The following PCDHGA5 variants were observed in gnomAD, a reference collection of about 807,000 sequenced individuals.
PCDHGA5 encodes the protein protocadherin gamma-A5.
A neutral mutation model predicts 56.7 loss-of-function variants in PCDHGA5; 36 were observed. That is an observed-to-expected ratio of 0.64 (90% CI 0.49 to 0.84). PCDHGA5 has a LOEUF of 0.84. PCDHGA5 is among the 40% of genes least tolerant of loss of function. PCDHGA5 has a pLI of 0.00. For synonymous variants in PCDHGA5, 563 were observed against 520.2 expected, an observed-to-expected ratio of 1.08 and a Z score of -1.12; for missense variants, 1,305 against 1,201.5, an observed-to-expected ratio of 1.09 and a Z score of -1.27.
At chr5:141,423,557 G>A (rs1365715281) in intron 1 of PCDHGA5, 4 of 1,613,536 alleles carry the variant, frequency 2.5e-6, no homozygotes, top group East Asian at 2.2e-5. Context: ...CCCAACTATG[G>A]GGACACGCTC....
intron 1 of PCDHGA5, chr5:141,385,051 C>A (rs1222079447): frequency 6.2e-7 from 1 of 1,614,154 alleles, no homozygotes; most frequent in East Asian, 2.2e-5. Flanking sequence ...CAGGCTGCGG[C>A]GCTGGCACAA....
In PCDHGA5 at chr5:141,432,071, A is replaced by G; in HGVS notation, c.2422-62736A>G. On this transcript the variant is annotated intron_variant, in intron 1 of 3. Transcript: ENST00000518069. The surrounding 1 kb of genome is among the most constrained non-coding windows in gnomAD (Gnocchi z 6.0). ...CCCGCCCCTATCCACGGAAACTCAT[A>G]TCTCGCTGAACGTGGCAGACACCAA... is the stretch of plus-strand genomic sequence containing the variant. 2 of 1,614,158 alleles carry G rather than the reference A, an allele frequency of 1.2e-6. No individual in the cohort carries two copies. The highest frequency in any genetic ancestry group is 1.7e-6 in the Non-Finnish European group (2 of 1,180,032).
chr5:141,433,642 C>A (rs1457700205), intron 1 of PCDHGA5, among the ~76,000 whole-genome samples: 2 of 152,170 alleles, frequency 1.3e-5, no homozygotes, highest in South Asian at 2.1e-4. Context: ...TTGAGACCAG[C>A]CTGACCAACA....
At position 141,394,884 on chromosome 5, in the gene PCDHGA5, C is replaced by G. The variant is rs2093119839; in HGVS notation, c.2421+28133C>G. The G allele has an allele frequency of 1.2e-6, 2 of 1,613,784 alleles. 1 individual carries two copies. Among genetic ancestry groups the G allele is most frequent in the Admixed American group, 3.3e-5 (2 of 60,002 alleles). On this transcript the variant is annotated intron_variant, in intron 1 of 3. Coordinates refer to ENST00000518069, the MANE Select transcript of PCDHGA5 (RefSeq NM_018918.3). ...CGACCCGAACGATTCGAGCCTTACACTCTATCTCGTGGTGGCAGTGGCTGC... is the reference window on the plus strand; with the variant it reads ...CGACCCGAACGATTCGAGCCTTACAGTCTATCTCGTGGTGGCAGTGGCTGC...
intron 1 of PCDHGA5, among the ~76,000 whole-genome samples, chr5:141,447,650 T>G (rs555134653): frequency 1.3e-5 from 2 of 151,988 alleles, no homozygotes; most frequent in Non-Finnish European, 2.9e-5. Flanking sequence ...GGTAGAATTT[T>G]CCCCCCCAGG....
chr5:141,502,487 C>A (rs563658817), intron 2 of PCDHGA5, among the ~76,000 whole-genome samples: 1 of 152,182 alleles, frequency 6.6e-6, no homozygotes, highest in Non-Finnish European at 1.5e-5. Context: ...CACACTGGGA[C>A]TCATCTAACG....
rs370286425 is a variant in PCDHGA5, at chr5:141,431,234, G to A, written c.2422-63573G>A. On this transcript the variant is annotated intron_variant, in intron 1 of 3. Coordinates refer to ENST00000518069, the MANE Select transcript of PCDHGA5 (RefSeq NM_018918.3). This position sits in a 1 kb window ranked among gnomAD's most constrained non-coding sequence, Gnocchi z 4.8. ...GCGGTTCCCTCTACCCCACGCCTGGGATCCGGATATCGGGAAGAACTCTCT... is the reference window on the plus strand; with the variant it reads ...GCGGTTCCCTCTACCCCACGCCTGGAATCCGGATATCGGGAAGAACTCTCT... 13 of 1,614,052 alleles carry A rather than the reference G, an allele frequency of 8.1e-6. No individual in the cohort carries two copies. The highest frequency in any genetic ancestry group is 2.7e-5 in the African/African-American group (2 of 74,940).
chr5:141,374,945 A>G, intron 1 of PCDHGA5: 1 of 1,614,034 alleles, frequency 6.2e-7, no homozygotes, highest in Non-Finnish European at 8.5e-7. Flanking sequence ...TACAGAAAAG[A>G]TCTCACAAAT....
At position 141,365,766 on chromosome 5, in the gene PCDHGA5, C is replaced by T. The variant is rs6882138; in HGVS notation, c.1436C>T (p.Pro479Leu). 36,892 of 1,613,774 alleles carry T rather than the reference C, an allele frequency of 0.023. 970 individuals carry two copies. Among genetic ancestry groups the T allele is most frequent in the African/African-American group, 0.14 (10,276 of 74,976 alleles). The change falls in exon 1 of 4, where the codon CCC becomes CTC. Residue 479 changes from proline to leucine, a missense_variant. By Grantham distance (98) the Pro-to-Leu change is moderately conservative. Transcript: ENST00000518069. Reference protein sequence around the residue: ...VSIFSVTAHDPDSGDNARVTY... With the variant: ...VSIFSVTAHDLDSGDNARVTY... Reference sequence around the variant, plus strand: ...ATCTTCTCTGTGACAGCCCATGACCCCGACAGCGGCGACAACGCTCGAGTC... The same window carrying T: ...ATCTTCTCTGTGACAGCCCATGACCTCGACAGCGGCGACAACGCTCGAGTC...
intron 2 of PCDHGA5, among the ~76,000 whole-genome samples, chr5:141,498,114 G>C (rs1336064850): frequency 6.6e-6 from 1 of 152,196 alleles, no homozygotes; most frequent in East Asian, 1.9e-4. Flanking sequence ...CGTATAATAG[G>C]GATTTGATTT....
At chr5:141,417,832 G>C in intron 1 of PCDHGA5, 1 of 1,528,846 alleles carries the variant, frequency 6.5e-7, no homozygotes. Flanking sequence ...CTGGAAAAGC[G>C]GGGACCCAGC....
At chr5:141,376,603 G>A (rs1772884003) in intron 1 of PCDHGA5, 1 of 1,516,632 alleles carries the variant, frequency 6.6e-7, no homozygotes, top group East Asian at 2.3e-5. Context: ...TGTTATAGAA[G>A]CGAACCTCTT....
chr5:141,456,236 T>G (rs1299029934), intron 1 of PCDHGA5, among the ~76,000 whole-genome samples: 1 of 152,120 alleles, frequency 6.6e-6, no homozygotes, highest in African/African-American at 2.4e-5. Flanking sequence ...TAACTGCTGT[T>G]AGGAGGCTTT....
chr5:141,505,182 C>T (rs1302018549), intron 2 of PCDHGA5, among the ~76,000 whole-genome samples: 2 of 152,094 alleles, frequency 1.3e-5, no homozygotes, highest in East Asian at 3.9e-4. Context: ...AAAAAAGCAT[C>T]GGAGGCAGCA....
rs777566456 is a variant in PCDHGA5, at chr5:141,405,216, A to G, written c.2421+38465A>G. On this transcript the variant is annotated intron_variant, in intron 1 of 3. Coordinates refer to ENST00000518069, the MANE Select transcript of PCDHGA5 (RefSeq NM_018918.3). ...CGAGCTTTCCTACAGACCTATTCTCAGGAGTTCTCCCTCACCGCTGACTCA... is the reference window on the plus strand; with the variant it reads ...CGAGCTTTCCTACAGACCTATTCTCGGGAGTTCTCCCTCACCGCTGACTCA... 27 of 1,613,806 alleles carry G rather than the reference A, an allele frequency of 1.7e-5. No individual in the cohort carries two copies. In the Admixed American group the frequency reaches 2.7e-4, roughly 16 times the overall value.
intron 1 of PCDHGA5, chr5:141,484,889 T>C (rs2099602721): frequency 2.8e-6 from 1 of 363,070 alleles, no homozygotes. Flanking sequence ...GTGGGCTTTT[T>C]CCCCTCCAAT....
chr5:141,419,604 C>T (rs1279434352), intron 1 of PCDHGA5: 1 of 1,611,850 alleles, frequency 6.2e-7, no homozygotes, highest in East Asian at 2.2e-5. Flanking sequence ...CCGCGGGCCG[C>T]GCAGCCAGGC....
intron 1 of PCDHGA5, chr5:141,403,193 A>G (rs1291009856): frequency 1.9e-6 from 3 of 1,613,986 alleles, no homozygotes; most frequent in South Asian, 2.2e-5. Context: ...GAACCCGCGC[A>G]GCGGCACCTT....
chr5:141,416,101 C>CT (rs34144584), intron 1 of PCDHGA5: 1 of 158,972 alleles, frequency 6.3e-6, no homozygotes, highest in Non-Finnish European at 1.4e-5. Context: ...GGCAATAGGC[C>CT]TTTTTCAAAC....
Sources: allele counts gnomAD v4.1 joint callset (sites outside exome capture counted in the v4.1 genomes callset), GRCh38; gene constraint gnomAD v4.1.1; non-coding constraint Gnocchi (gnomAD v3.1); transcripts MANE v1.5; gene names NCBI Gene and HGNC (gene_info 2026-07-23, HGNC 2026-07-21).